Variants in ZNF33A observed in about 807,000 individuals in gnomAD.
The protein encoded by ZNF33A is brain my041 protein.
A neutral mutation model predicts 15.9 loss-of-function variants in ZNF33A; 9 were observed. The observed-to-expected ratio is 0.57, with a 90% confidence interval of 0.34 to 0.99. The LOEUF (loss-of-function observed/expected upper bound fraction) is 0.99, where lower values mean the gene tolerates loss of function less well. Ranked by LOEUF, ZNF33A falls within the 50% of genes least tolerant of loss-of-function variation. The pLI, the probability that ZNF33A is intolerant of heterozygous loss-of-function variation, is 0.02. For missense variants in ZNF33A, 843 were observed against 941.6 expected (o/e 0.90, Z 1.37); for synonymous variants, 294 against 324.2 (o/e 0.91, Z 1.00).
intron 4 of ZNF33A, among the ~76,000 whole-genome samples, chr10:38,031,868 C>T (rs2065227265): frequency 6.6e-6 from 1 of 152,022 alleles, no homozygotes; most frequent in Non-Finnish European, 1.5e-5. Context: ...GAGGCTGAGG[C>T]AGGAGAATTG....
intron 4 of ZNF33A, among the ~76,000 whole-genome samples, chr10:38,053,113 C>T (rs991890111): frequency 3.3e-5 from 5 of 151,888 alleles, no homozygotes; most frequent in African/African-American, 9.7e-5. Flanking sequence ...CTTTGCAATG[C>T]TGTTTATTCA....
At chr10:38,067,519 C>T (rs113228535), downstream of ZNF33A, among the ~76,000 whole-genome samples, 79 of 152,234 alleles carry the variant, frequency 5.2e-4, no homozygotes, top group African/African-American at 1.6e-3. Context: ...TGGGTCAAAG[C>T]CATAGGAAGG....
chr10:38,057,649 A>G lies in ZNF33A; in HGVS notation c.*1089A>G, dbSNP rs1405279581. On this transcript the variant is annotated 3_prime_UTR_variant, in exon 5 of 5. Coordinates refer to ENST00000432900, the MANE Select transcript of ZNF33A (RefSeq NM_006954.2). Reference sequence around the variant, plus strand: ...ATAACAAATTATCTAAAAAAAATCTATCCTGTACATGTGAAGATCTAGGCT... The same window carrying G: ...ATAACAAATTATCTAAAAAAAATCTGTCCTGTACATGTGAAGATCTAGGCT... The G allele has an allele frequency of 1.2e-5, 12 of 985,414 alleles. No homozygotes were observed. The highest frequency in any genetic ancestry group is 5.2e-5 in the African/African-American group (3 of 57,356). 61.0% of individuals were successfully genotyped at this position (985,414 alleles called of 1,614,324 possible).
At chr10:38,060,652 A>G (rs1053446148), downstream of ZNF33A, among the ~76,000 whole-genome samples, 3 of 152,112 alleles carry the variant, frequency 2.0e-5, no homozygotes, top group African/African-American at 7.2e-5. Flanking sequence ...TCCTTCCTTC[A>G]CCATCAGGGT....
At chr10:38,029,392 A>G (rs908954203) in intron 4 of ZNF33A, among the ~76,000 whole-genome samples, 5 of 152,196 alleles carry the variant, frequency 3.3e-5, no homozygotes, top group Admixed American at 1.3e-4. Context: ...CAGGCCTTCA[A>G]TTGATTTCTA....
chr10:38,047,381 G>T (rs2065992763), intron 4 of ZNF33A, among the ~76,000 whole-genome samples: 1 of 151,748 alleles, frequency 6.6e-6, no homozygotes, highest in African/African-American at 2.4e-5. Flanking sequence ...TGTAATCCCA[G>T]CACTTTGGGA....
At position 38,056,502 on chromosome 10, in the gene ZNF33A, A is replaced by G; in HGVS notation, c.2378A>G (p.Asn793Ser). ...TTCCAGCCACAAGTCAGCCTCCATAATGCCTCAGAGTATTCACACTGTGGA... is the reference window on the plus strand; with the variant it reads ...TTCCAGCCACAAGTCAGCCTCCATAGTGCCTCAGAGTATTCACACTGTGGA... ...RNFQPQVSLH[N>S]ASEYSHCGES... The change falls in exon 5 of 5, where the codon AAT becomes AGT. Residue 793 changes from asparagine to serine, a missense_variant. Coordinates refer to ENST00000432900, the MANE Select transcript of ZNF33A (RefSeq NM_006954.2). The G allele has an allele frequency of 6.2e-7, 1 of 1,611,170 alleles. No individual in the cohort carries two copies. The highest frequency in any genetic ancestry group is 8.5e-7 in the Non-Finnish European group (1 of 1,178,504).
chr10:38,047,135 C>T (rs1434144862), intron 4 of ZNF33A, among the ~76,000 whole-genome samples: 2 of 144,528 alleles, frequency 1.4e-5, no homozygotes, highest in Admixed American at 7.1e-5. Context: ...GCCAAGATTG[C>T]ACCTCTGCAC....
intron 4 of ZNF33A, among the ~76,000 whole-genome samples, chr10:38,050,986 T>A (rs918819621): frequency 2.1e-4 from 32 of 152,208 alleles, no homozygotes; most frequent in South Asian, 4.1e-4. Flanking sequence ...AAATAGGAAT[T>A]TCATTTGATG....
chr10:38,028,826 G>A (rs1048812440), intron 4 of ZNF33A, among the ~76,000 whole-genome samples: 2 of 151,848 alleles, frequency 1.3e-5, no homozygotes, highest in African/African-American at 4.8e-5. Context: ...ATTTCCTTCT[G>A]TGTATATTTT....
chr10:38,044,512 A>G (rs1315030623), intron 4 of ZNF33A, among the ~76,000 whole-genome samples: 3 of 151,844 alleles, frequency 2.0e-5, no homozygotes, highest in Admixed American at 6.5e-5. Flanking sequence ...GCCTGGCCCA[A>G]TCTTTTGTTG....
At chr10:38,039,884 A>C (rs915413725) in intron 4 of ZNF33A, among the ~76,000 whole-genome samples, 5 of 150,768 alleles carry the variant, frequency 3.3e-5, no homozygotes, top group African/African-American at 1.2e-4. Context: ...TTACTCTATA[A>C]TCTTTCTGCT....
chr10:38,028,313 C>A (rs1446044500), intron 4 of ZNF33A, among the ~76,000 whole-genome samples: 1 of 151,938 alleles, frequency 6.6e-6, no homozygotes, highest in African/African-American at 2.4e-5. Context: ...TCCATTCTGC[C>A]AGCCTCTGCC....
At chr10:38,011,466 T>TC (rs1328174843) in intron 1 of ZNF33A, among the ~76,000 whole-genome samples, 1 of 151,958 alleles carries the variant, frequency 6.6e-6, no homozygotes, top group Non-Finnish European at 1.5e-5. Flanking sequence ...ATGCCTGTAA[T>TC]CCCAGCTACT....
At chr10:38,047,575 G>A (rs1170132779) in intron 4 of ZNF33A, among the ~76,000 whole-genome samples, 15 of 133,818 alleles carry the variant, frequency 1.1e-4, no homozygotes, top group Non-Finnish European at 2.3e-4. Context: ...GCAGTGAGCC[G>A]AGATTGCACC....
In ZNF33A at chr10:38,056,040, G is replaced by A; in HGVS notation, c.1916G>A (p.Cys639Tyr). ...RIHIGEKPYKCNECGKAFCHK... is the reference protein window; with the variant it reads ...RIHIGEKPYKYNECGKAFCHK... ...CACATAGGGGAGAAACCCTATAAAT[G>A]TAATGAGTGTGGAAAAGCTTTCTGC... The change falls in exon 5 of 5, where the codon TGT (cysteine) becomes TAT (tyrosine). Residue 639 changes from cysteine to tyrosine, a missense_variant. By Grantham distance (194) the Cys-to-Tyr change is radical. Transcript: ENST00000432900. 6.2e-7 allele frequency: 1 copy of A among 1,614,062 alleles called. No homozygotes were observed. The highest frequency in any genetic ancestry group is 8.5e-7 in the Non-Finnish European group (1 of 1,179,996).
At chr10:38,029,769 C>T (rs1178257905) in intron 4 of ZNF33A, among the ~76,000 whole-genome samples, 2 of 152,030 alleles carry the variant, frequency 1.3e-5, no homozygotes, top group Admixed American at 1.3e-4. Flanking sequence ...TTGGCAGAAA[C>T]GGGGTTGTCT....
intron 4 of ZNF33A, among the ~76,000 whole-genome samples, chr10:38,031,819 C>T (rs2065225223): frequency 6.6e-6 from 1 of 151,804 alleles, no homozygotes; most frequent in African/African-American, 2.4e-5. Flanking sequence ...AAAAATTAGC[C>T]AGGCGTGATG....
At position 38,010,752 on chromosome 10, in the gene ZNF33A, C is replaced by A; in HGVS notation, c.-76C>A. ...GGATTTCAAGGGTCTACGCGCTTTT[C>A]TATGGCGAATGCAACCCGACGAGGG... On this transcript the variant is annotated 5_prime_UTR_variant, in exon 1 of 5. Transcript: ENST00000432900. 1.3e-6 allele frequency: 2 copies of A among 1,598,438 alleles called. No individual in the cohort carries two copies. Among genetic ancestry groups the A allele is most frequent in the Non-Finnish European group, 8.5e-7 (1 of 1,179,802 alleles).
Sources: allele counts gnomAD v4.1 joint callset (sites outside exome capture counted in the v4.1 genomes callset), GRCh38; gene constraint gnomAD v4.1.1; transcripts MANE v1.5; gene names NCBI Gene and HGNC (gene_info 2026-07-23, HGNC 2026-07-21).